PTGIS: variants seen among roughly 807,000 people sequenced by gnomAD.
PTGIS encodes the protein prostacyclin synthase.
Under a neutral mutation model 50.3 loss-of-function variants are expected in PTGIS, and 45 were observed. The observed-to-expected ratio is 0.90, with a 90% CI of 0.70 to 1.15. The LOEUF (loss-of-function observed/expected upper bound fraction) is 1.15, where lower values mean the gene tolerates loss of function less well. PTGIS is among the 50% of genes most tolerant of loss of function. The probability of loss-of-function intolerance (pLI) is 0.00; values close to 1 mark genes in which losing one functional copy is unlikely to be tolerated. For synonymous variants in PTGIS, 260 were observed against 267.7 expected, an observed-to-expected ratio of 0.97 and a Z score of 0.28; for missense variants, 668 against 661.3, an observed-to-expected ratio of 1.01 and a Z score of -0.11.
At chr20:49,541,383 G>T (rs896952186) in intron 4 of PTGIS, among the ~76,000 whole-genome samples, 5 of 152,058 alleles carry the variant, frequency 3.3e-5, no homozygotes, top group African/African-American at 1.2e-4. Context: ...CTAACTCAGA[G>T]AACCATTTCC....
chr20:49,551,084 G>A (rs1982495392), intron 1 of PTGIS, among the ~76,000 whole-genome samples: 1 of 152,174 alleles, frequency 6.6e-6, no homozygotes, highest in African/African-American at 2.4e-5. Context: ...GTGCATGCCT[G>A]TAGTCCCAGT....
rs1652864353 is a variant in PTGIS at position 49,505,329 on chromosome 20, A to G, written c.*2591T>C. The G allele has an allele frequency of 6.6e-6, 1 of 151,820 alleles. No individual in the cohort carries two copies. The highest frequency in any genetic ancestry group is 2.4e-5 in the African/African-American group (1 of 41,320). The allele number at this position is 151,820 out of a possible 1,614,324, so 9.4% of individuals were successfully genotyped here. A position where few individuals can be genotyped will look rare whatever the true frequency, so the allele number is the denominator to read the frequency against. ...TCTCCCTCTTTTCTTTATAGCTTCT[A>G]TTTTTTTTAAAGAGAAAAATAACGA... On this transcript the variant is annotated 3_prime_UTR_variant, in exon 10 of 10. Coordinates refer to ENST00000244043, the MANE Select transcript of PTGIS (RefSeq NM_000961.4).
chr20:49,567,770 G>C (rs1363506186), intron 1 of PTGIS, among the ~76,000 whole-genome samples: 1 of 152,172 alleles, frequency 6.6e-6, no homozygotes, highest in African/African-American at 2.4e-5. Flanking sequence ...CTAAGGGCCA[G>C]ACTCGGACTT....
At chr20:49,538,250 G>T (rs1013405835) in intron 5 of PTGIS, among the ~76,000 whole-genome samples, 1 of 115,560 alleles carries the variant, frequency 8.7e-6, no homozygotes, top group Non-Finnish European at 1.7e-5. Flanking sequence ...GTGAGACCCT[G>T]GTTCAGAAAA....
At chr20:49,547,003 G>A (rs1023032778) in intron 3 of PTGIS, among the ~76,000 whole-genome samples, 2 of 152,182 alleles carry the variant, frequency 1.3e-5, no homozygotes, top group South Asian at 2.1e-4. Context: ...AAGCTGAGGC[G>A]GGCAGACCAC....
intron 1 of PTGIS, among the ~76,000 whole-genome samples, chr20:49,553,049 T>C (rs1982550727): frequency 6.6e-6 from 1 of 152,170 alleles, no homozygotes; most frequent in Non-Finnish European, 1.5e-5. Flanking sequence ...CAAGCTCACA[T>C]GACTTAAGTA....
At chr20:49,563,557 T>C (rs1228886337) in intron 1 of PTGIS, among the ~76,000 whole-genome samples, 2 of 152,164 alleles carry the variant, frequency 1.3e-5, no homozygotes, top group African/African-American at 4.8e-5. Flanking sequence ...CCCAGGAAAG[T>C]ATTGCTAGAT....
At chr20:49,532,885 C>T (rs796929558) in intron 5 of PTGIS, among the ~76,000 whole-genome samples, 11 of 152,308 alleles carry the variant, frequency 7.2e-5, no homozygotes, top group African/African-American at 2.4e-4. Flanking sequence ...ACACACAGAA[C>T]ACACTTGGTA....
chr20:49,521,661 C>G (rs1312079271), intron 6 of PTGIS, among the ~76,000 whole-genome samples: 2 of 152,328 alleles, frequency 1.3e-5, no homozygotes, highest in East Asian at 3.9e-4. Context: ...TTGCCAGTCT[C>G]TGCCTGCAAG....
At chr20:49,511,007 C>G in intron 9 of PTGIS, 21 bp downstream of exon 9, 1 of 1,610,904 alleles carries the variant, frequency 6.2e-7, no homozygotes, top group Non-Finnish European at 8.5e-7. Flanking sequence ...CACCCTGGCC[C>G]TGCCCTGGCC....
chr20:49,539,645 A>AGTGGAC lies in PTGIS; in HGVS notation c.592_597dup (p.Val198_His199dup). On this transcript the variant is annotated inframe_insertion, in exon 5 of 10. Coordinates refer to ENST00000244043, the MANE Select transcript of PTGIS (RefSeq NM_000961.4). ...CGAAAGGTGTGGAAGACATCAGCTG[A>AGTGGAC]GTGGACGCGGTCCTGGGCCTGGCTT... 1.2e-6 allele frequency: 2 copies of AGTGGAC among 1,613,932 alleles called. No homozygotes were observed. The highest frequency in any genetic ancestry group is 1.7e-6 in the Non-Finnish European group (2 of 1,179,980).
intron 6 of PTGIS, among the ~76,000 whole-genome samples, chr20:49,517,946 C>T (rs558727610): frequency 3.3e-5 from 5 of 152,322 alleles, no homozygotes; most frequent in South Asian, 4.1e-4. Flanking sequence ...GAGTGATCCA[C>T]GCAGAGTGGG....
intron 6 of PTGIS, among the ~76,000 whole-genome samples, chr20:49,521,180 A>C (rs1474044268): frequency 2.0e-5 from 3 of 152,200 alleles, no homozygotes; most frequent in Non-Finnish European, 4.4e-5. Flanking sequence ...TCATCTTCAC[A>C]ACCACGTCTT....
chr20:49,547,841 A>G lies in PTGIS; in HGVS notation c.377T>C (p.Leu126Pro), dbSNP rs1224548300. Residue 126 changes from leucine (L) to proline (P), a missense_variant and splice_region_variant, in exon 3 of 10, where the codon CTG (leucine) becomes CCG (proline). Transcript: ENST00000244043. Reference sequence around the variant, plus strand: ...ACAGGTGCCATCTCCAGCCACTCACAGTTTCATCCTGGCCTTTTCATCACT... The same window carrying G: ...ACAGGTGCCATCTCCAGCCACTCACGGTTTCATCCTGGCCTTTTCATCACT... ...SPSDEKARMK[L>P]TLLHRELQAL... The G allele has an allele frequency of 6.2e-7, 1 of 1,614,100 alleles. No individual in the cohort carries two copies. Among genetic ancestry groups the G allele is most frequent in the Non-Finnish European group, 8.5e-7 (1 of 1,179,978 alleles).
chr20:49,507,880 C>T lies in PTGIS; in HGVS notation c.*40G>A. The T allele has an allele frequency of 1.2e-6, 2 of 1,605,542 alleles. No homozygotes were observed. The highest frequency in any genetic ancestry group is 2.2e-5 in the South Asian group (2 of 91,022). The stretch of plus-strand genomic sequence containing the variant: ...GGAGGCTGGGGCAGGCTGGGGCAGG[C>T]TGGGCAGAGGCGAGCACGTGGATCC... On this transcript the variant is annotated 3_prime_UTR_variant, in exon 10 of 10. Coordinates refer to ENST00000244043, the MANE Select transcript of PTGIS (RefSeq NM_000961.4).
intron 8 of PTGIS, among the ~76,000 whole-genome samples, chr20:49,511,777 T>C (rs1352411961): frequency 2.0e-5 from 3 of 152,158 alleles, no homozygotes; most frequent in Non-Finnish European, 2.9e-5. Context: ...GGTGGAAGGA[T>C]AGGTGAATGA....
At chr20:49,522,990 C>A (rs1391283150) in intron 6 of PTGIS, among the ~76,000 whole-genome samples, 3 of 152,094 alleles carry the variant, frequency 2.0e-5, no homozygotes, top group African/African-American at 7.2e-5. Flanking sequence ...TGCCACTGCA[C>A]TCCAGCCTGG....
Position 49,553,071 on chromosome 20 carries a change from A to C in PTGIS, c.75-2882T>G, listed in dbSNP as rs530581885. The stretch of plus-strand genomic sequence containing the variant: ...ACATGACTTAAGTAAATCTTTAACA[A>C]ATAAGCTGGTTTTAAAATTATTGGT... On this transcript the variant is annotated intron_variant, in intron 1 of 9. Coordinates refer to ENST00000244043, the MANE Select transcript of PTGIS (RefSeq NM_000961.4). Among the ~76,000 whole-genome samples, 8 of 152,296 alleles carry C rather than the reference A, an allele frequency of 5.3e-5. No homozygotes were observed. In the South Asian group the frequency reaches 1.7e-3, roughly 32 times the overall value.
intron 5 of PTGIS, among the ~76,000 whole-genome samples, chr20:49,525,932 A>G (rs1272387623): frequency 6.6e-6 from 1 of 152,076 alleles, no homozygotes; most frequent in Non-Finnish European, 1.5e-5. Context: ...TGTTGGCTTC[A>G]TTTTCAAATA....
Sources: allele counts gnomAD v4.1 joint callset (sites outside exome capture counted in the v4.1 genomes callset), GRCh38; gene constraint gnomAD v4.1.1; transcripts MANE v1.5; gene names NCBI Gene and HGNC (gene_info 2026-07-23, HGNC 2026-07-21).